Variants in NCOR1 observed in about 807,000 individuals in gnomAD.
NCOR1 encodes the protein nuclear receptor corepressor 1, also known as protein phosphatase 1, regulatory subunit 109.
In NCOR1, 63 loss-of-function variants were observed where a neutral mutation model predicts 288.1. The observed-to-expected ratio is 0.22, with a 90% CI of 0.18 to 0.27. The LOEUF (loss-of-function observed/expected upper bound fraction) is 0.27, where lower values mean the gene tolerates loss of function less well. Among genes scored for constraint, NCOR1 ranks in the 10% least tolerant of loss-of-function variants. The pLI is 1.00. For synonymous variants in NCOR1, 1,007 were observed against 1,065.9 expected (o/e 0.94, Z 1.08); for missense variants, 2,397 against 3,019.2 (o/e 0.79, Z 4.83).
chr17:16,193,531 C>T (rs1233151866), intron 2 of NCOR1, among the ~76,000 whole-genome samples: 1 of 152,076 alleles, frequency 6.6e-6, no homozygotes, highest in East Asian at 1.9e-4. Context: ...CCGCGCCCGG[C>T]CTGATTTTTT....
chr17:16,214,864 T>C (rs2092418159), intron 1 of NCOR1, among the ~76,000 whole-genome samples: 1 of 152,222 alleles, frequency 6.6e-6, no homozygotes, highest in South Asian at 2.1e-4. Flanking sequence ...CCTTCGCCAT[T>C]ACACCCTGAA....
chr17:16,203,789 T>A (rs1376240037), intron 1 of NCOR1, among the ~76,000 whole-genome samples: 1 of 152,210 alleles, frequency 6.6e-6, no homozygotes, highest in African/African-American at 2.4e-5. Context: ...ACAGGACTTA[T>A]TTGAAGCAAA....
chr17:16,083,679 C>T (rs369671253), intron 23 of NCOR1, among the ~76,000 whole-genome samples: 1 of 151,358 alleles, frequency 6.6e-6, no homozygotes, highest in East Asian at 1.9e-4. Context: ...GTTCCCTATG[C>T]TCGCCTTCTG....
chr17:16,101,190 T>C, intron 20 of NCOR1, 60 bp downstream of exon 20: 2 of 1,503,848 alleles, frequency 1.3e-6, no homozygotes, highest in Non-Finnish European at 1.8e-6. Context: ...AGCACCACCC[T>C]GTGATTCAGT....
intron 7 of NCOR1, 46 bp from the exon 8 acceptor site, chr17:16,152,044 T>C: frequency 7.8e-7 from 1 of 1,281,950 alleles, no homozygotes; most frequent in East Asian, 2.4e-5. Flanking sequence ...TGTACATATG[T>C]CTATGAAGAG....
chr17:16,196,103 G>T (rs970879794), intron 1 of NCOR1, among the ~76,000 whole-genome samples: 2 of 149,206 alleles, frequency 1.3e-5, no homozygotes, highest in African/African-American at 2.4e-5. Context: ...TTAAAAAATA[G>T]AATTTATATA....
chr17:16,180,441 T>C (rs1343446009), intron 3 of NCOR1, among the ~76,000 whole-genome samples: 1 of 152,092 alleles, frequency 6.6e-6, no homozygotes, highest in African/African-American at 2.4e-5. Flanking sequence ...TCAAAAGGAA[T>C]GAAATCACCA....
chr17:16,068,715 ATT>A (rs11438641), intron 31 of NCOR1, among the ~76,000 whole-genome samples: 8 of 135,232 alleles, frequency 5.9e-5, no homozygotes, highest in Non-Finnish European at 6.2e-5. Flanking sequence ...ATCATCCTCA[ATT>A]TTTTTTTTTT....
At chr17:16,147,289 G>C (rs2078140508) in intron 9 of NCOR1, among the ~76,000 whole-genome samples, 1 of 151,902 alleles carries the variant, frequency 6.6e-6, no homozygotes, top group African/African-American at 2.4e-5. Flanking sequence ...GGCACCTGTA[G>C]TCCCAGCTAC....
At chr17:16,058,803 T>C (rs1213365264) in intron 37 of NCOR1, among the ~76,000 whole-genome samples, 7 of 151,838 alleles carry the variant, frequency 4.6e-5, no homozygotes, top group Non-Finnish European at 8.8e-5. Flanking sequence ...TCCCAGCACT[T>C]TGGAAGGCCG....
At chr17:16,044,962 A>T in intron 42 of NCOR1, 2 of 551,750 alleles carry the variant, frequency 3.6e-6, no homozygotes, top group South Asian at 1.8e-5. Context: ...TTTTGACTAA[A>T]TTTCTTATAA....
chr17:16,142,036 G>A (rs2077235302), intron 11 of NCOR1, among the ~76,000 whole-genome samples: 1 of 152,102 alleles, frequency 6.6e-6, no homozygotes, highest in South Asian at 2.1e-4. Context: ...GCAATTTTAA[G>A]TAGTAACTAC....
intron 42 of NCOR1, among the ~76,000 whole-genome samples, chr17:16,042,337 G>T (rs1324954849): frequency 1.3e-5 from 2 of 152,186 alleles, no homozygotes; most frequent in Non-Finnish European, 2.9e-5. Flanking sequence ...GCAGTTATTT[G>T]ACTGAATTGT....
chr17:16,042,897 A>G (rs1450293526), intron 42 of NCOR1, among the ~76,000 whole-genome samples: 1 of 152,218 alleles, frequency 6.6e-6, no homozygotes, highest in Non-Finnish European at 1.5e-5. Context: ...TGGGCTACAG[A>G]TACAAATTTG....
At chr17:16,112,068 A>C (rs1325444422) in intron 18 of NCOR1, among the ~76,000 whole-genome samples, 1 of 152,002 alleles carries the variant, frequency 6.6e-6, no homozygotes, top group Non-Finnish European at 1.5e-5. Context: ...AAGGGGTTTC[A>C]CCATGTTAGC....
chr17:16,204,907 G>C (rs1331476640), intron 1 of NCOR1, among the ~76,000 whole-genome samples: 1 of 152,210 alleles, frequency 6.6e-6, no homozygotes. Flanking sequence ...TAGCTAGGGG[G>C]ATATGTGCAC....
In NCOR1 at chr17:16,064,158, T is replaced by C. The variant is rs971653538; in HGVS notation, c.5131A>G (p.Ser1711Gly). 1.4e-5 allele frequency: 23 copies of C among 1,614,122 alleles called. No individual in the cohort carries two copies. Among genetic ancestry groups the C allele is most frequent in the Non-Finnish European group, 1.9e-5 (23 of 1,179,994 alleles). ...TCCCGTTCCCGTTCCCTCTCAGCAC[T>C]TGCAGCAGCTGCAAGGTGTGTTGGG... ...GHPTHLAAAA[S>G]AERERERERE... is the part of the protein sequence containing the mutation. Residue 1711 changes from serine (S) to glycine (G), a missense_variant, in exon 35 of 46, where the codon AGT becomes GGT. Physicochemically the swap from Ser to Gly is moderately conservative, Grantham distance 56. This residue lies in a region of NCOR1 where 1,872 missense variants were observed against 2,187.8 expected (regional missense o/e 0.86). Coordinates refer to ENST00000268712, the MANE Select transcript of NCOR1 (RefSeq NM_006311.4).
chr17:16,056,478 A>T (rs548457878), intron 40 of NCOR1, among the ~76,000 whole-genome samples: 1 of 147,512 alleles, frequency 6.8e-6, no homozygotes, highest in South Asian at 2.2e-4. Context: ...TGCCTGGCTA[A>T]TTTTTTTTTT....
intron 18 of NCOR1, among the ~76,000 whole-genome samples, chr17:16,115,216 C>T (rs1330767258): frequency 6.6e-6 from 1 of 152,138 alleles, no homozygotes. Context: ...GCACCAAGTC[C>T]CTGGGCTGCA....
Sources: allele counts gnomAD v4.1 joint callset (sites outside exome capture counted in the v4.1 genomes callset), GRCh38; gene constraint gnomAD v4.1.1; regional missense constraint gnomAD v4.1.1; transcripts MANE v1.5; gene names NCBI Gene and HGNC (gene_info 2026-07-23, HGNC 2026-07-21).